Variants in CCDC66 observed in about 807,000 individuals in gnomAD.
CCDC66 encodes the protein coiled-coil domain-containing protein 66.
Under a neutral mutation model 128.3 loss-of-function variants are expected in CCDC66, and 133 were observed. That is an observed-to-expected ratio of 1.04 (90% CI 0.90 to 1.20). The LOEUF is 1.20. CCDC66 is among the 50% of genes most tolerant of loss of function. CCDC66 has a pLI of 0.00. For synonymous variants in CCDC66, 387 were observed against 357.0 expected (o/e 1.08, Z -0.95); for missense variants, 1,126 against 1,075.5 (o/e 1.05, Z -0.66).
intron 7 of CCDC66, among the ~76,000 whole-genome samples, chr3:56,590,797 T>G (rs2070749140): frequency 1.3e-5 from 2 of 151,944 alleles, no homozygotes. Flanking sequence ...CAAACACGTT[T>G]AGGAAACCAG....
intron 10 of CCDC66, among the ~76,000 whole-genome samples, chr3:56,603,337 T>A (rs567633901): frequency 3.9e-5 from 6 of 151,974 alleles, no homozygotes; most frequent in Non-Finnish European, 7.3e-5. Flanking sequence ...GCTTTTGAAT[T>A]TGTTTGCTCT....
chr3:56,601,091 T>A (rs1313643898), intron 10 of CCDC66, among the ~76,000 whole-genome samples: 1 of 152,108 alleles, frequency 6.6e-6, no homozygotes, highest in Non-Finnish European at 1.5e-5. Flanking sequence ...ACTTCTAGGG[T>A]TTTTATGGTT....
At chr3:56,610,433 T>G (rs1241061346) in intron 10 of CCDC66, among the ~76,000 whole-genome samples, 1 of 152,208 alleles carries the variant, frequency 6.6e-6, no homozygotes, top group Non-Finnish European at 1.5e-5. Flanking sequence ...GGTTTTTTCT[T>G]TAAGCTATCT....
Position 56,571,182 on chromosome 3 carries a change from T to G in CCDC66, c.816T>G (p.Asp272Glu), listed in dbSNP as rs1265715672. Residue 272 changes from aspartate (D) to glutamate (E), a missense_variant and splice_region_variant, in exon 7 of 18, where the codon GAT becomes GAG. Asp to Glu is a conservative substitution (Grantham distance 45). Coordinates refer to ENST00000394672, the MANE Select transcript of CCDC66 (RefSeq NM_001141947.3). ...AKKAQWRKEL[D>E]EQVALKKKEK... ...TTTTAAAAAGGACATTATTTACAGA[T>G]GAACAGGTTGCTTTAAAGAAGAAAG... The G allele has an allele frequency of 6.6e-7, 1 of 1,512,442 alleles. No individual in the cohort carries two copies. 93.7% of individuals were successfully genotyped at this position (1,512,442 alleles called of 1,614,324 possible). A position where few individuals can be genotyped will look rare whatever the true frequency, so the allele number is the denominator to read the frequency against.
At chr3:56,585,698 A>T (rs114005252) in intron 7 of CCDC66, among the ~76,000 whole-genome samples, 1 of 151,898 alleles carries the variant, frequency 6.6e-6, no homozygotes. Flanking sequence ...TAGTATAGCA[A>T]TATTTATAAG....
At chr3:56,613,936 C>T (rs764837287) in intron 11 of CCDC66, among the ~76,000 whole-genome samples, 186 bp downstream of exon 11, 1 of 152,124 alleles carries the variant, frequency 6.6e-6, no homozygotes, top group Non-Finnish European at 1.5e-5. Flanking sequence ...CGTACCAACA[C>T]ATCTGGCTAA....
intron 7 of CCDC66, among the ~76,000 whole-genome samples, chr3:56,578,949 C>CT (rs1278102655): frequency 6.6e-6 from 1 of 151,842 alleles, no homozygotes; most frequent in Non-Finnish European, 1.5e-5. Flanking sequence ...AGGATTCCCT[C>CT]TTTTTCTATT....
chr3:56,580,634 G>T (rs2106655375), intron 7 of CCDC66, among the ~76,000 whole-genome samples: 1 of 151,880 alleles, frequency 6.6e-6, no homozygotes, highest in Middle Eastern at 3.4e-3. Flanking sequence ...GCATTTGTTT[G>T]TTTGTAAAGG....
chr3:56,571,374 A>AT (rs2066584851), intron 7 of CCDC66, 72 bp downstream of exon 7: 3 of 955,866 alleles, frequency 3.1e-6, no homozygotes, highest in Admixed American at 1.0e-4. Context: ...TTTAAAGCTT[A>AT]TTAAAAAAAA....
In CCDC66 at chr3:56,603,479, C is replaced by T. The variant is rs558854322; in HGVS notation, c.1404+9451C>T. The stretch of plus-strand genomic sequence containing the variant: ...TAAATGTGTCCCATAGATTTTGGTA[C>T]GTTGTCTCTTTGTTCTCATTGGTTT... On this transcript the variant is annotated intron_variant, in intron 10 of 17. Coordinates refer to ENST00000394672, the MANE Select transcript of CCDC66 (RefSeq NM_001141947.3). Among the ~76,000 whole-genome samples, 13 of 152,044 alleles carry T rather than the reference C, an allele frequency of 8.6e-5. 1 individual carries two copies. The highest frequency in any genetic ancestry group is 2.7e-4 in the African/African-American group (11 of 41,408).
intron 10 of CCDC66, among the ~76,000 whole-genome samples, chr3:56,595,847 A>G (rs560677507): frequency 1.3e-5 from 2 of 152,282 alleles, no homozygotes; most frequent in South Asian, 2.1e-4. Flanking sequence ...CCCACTAACA[A>G]TGTATAAGGA....
intron 10 of CCDC66, among the ~76,000 whole-genome samples, chr3:56,611,844 A>T (rs1264555513): frequency 3.9e-5 from 6 of 151,948 alleles, no homozygotes; most frequent in Admixed American, 3.9e-4. Flanking sequence ...TCCCGCAAAG[A>T]CTTTCAGCTT....
At position 56,566,721 on chromosome 3, in the gene CCDC66, T is replaced by A; in HGVS notation, c.672T>A (p.His224Gln). The A allele has an allele frequency of 6.2e-7, 1 of 1,613,756 alleles. No individual in the cohort carries two copies. The highest frequency in any genetic ancestry group is 1.7e-4 in the Middle Eastern group (1 of 6,056). Residue 224 changes from histidine to glutamine, a missense_variant, in exon 5 of 18, where the codon CAT becomes CAA. Coordinates refer to ENST00000394672, the MANE Select transcript of CCDC66 (RefSeq NM_001141947.3). Reference sequence around the variant, plus strand: ...AAAATAAATCTGTCTTAAATGAACATCAGGAGACATCTAAACAGTGTGAGC... The same window carrying A: ...AAAATAAATCTGTCTTAAATGAACAACAGGAGACATCTAAACAGTGTGAGC... Reference protein sequence around the residue: ...PAENKSVLNEHQETSKQCEQK... With the variant: ...PAENKSVLNEQQETSKQCEQK...
Position 56,619,828 on chromosome 3 carries a change from T to C in CCDC66, c.2687T>C (p.Leu896Pro). The change falls in exon 17 of 18, where the codon CTT (leucine) becomes CCT (proline). Residue 896 changes from leucine (L) to proline (P), a missense_variant. Coordinates refer to ENST00000394672, the MANE Select transcript of CCDC66 (RefSeq NM_001141947.3). Reference sequence around the variant, plus strand: ...GATTCTGACTGTGTCAGGGATCCACTTCTTAATCCTAACATGGTGAAAAAT... The same window carrying C: ...GATTCTGACTGTGTCAGGGATCCACCTCTTAATCCTAACATGGTGAAAAAT... ...LFDSDCVRDP[L>P]LNPNMVKNRD... 2.5e-6 allele frequency: 4 copies of C among 1,614,138 alleles called. No homozygotes were observed. The highest frequency in any genetic ancestry group is 3.4e-6 in the Non-Finnish European group (4 of 1,179,988).
intron 13 of CCDC66, chr3:56,616,811 A>G (rs530067612): frequency 1.9e-4 from 51 of 264,294 alleles, no homozygotes; most frequent in Admixed American, 9.0e-4. Flanking sequence ...AGCCCTTGTT[A>G]TTCTACTGGT....
rs967782963 is a variant in CCDC66 at position 56,568,371 on chromosome 3, C to T, written c.814+1318C>T. On this transcript the variant is annotated intron_variant, in intron 6 of 17. Coordinates refer to ENST00000394672, the MANE Select transcript of CCDC66 (RefSeq NM_001141947.3). The stretch of plus-strand genomic sequence containing the variant: ...CAGGGTGCCAAAATGCACAGATGCT[C>T]ATGTGGAATCCATGGATATGGAGGG... Among the ~76,000 whole-genome samples, 11 of 152,308 alleles carry T rather than the reference C, an allele frequency of 7.2e-5. 1 individual carries two copies. The highest frequency in any genetic ancestry group is 1.3e-4 in the Admixed American group (2 of 15,300).
chr3:56,584,613 C>T (rs1275356970), intron 7 of CCDC66, among the ~76,000 whole-genome samples: 5 of 151,138 alleles, frequency 3.3e-5, no homozygotes, highest in African/African-American at 4.9e-5. Flanking sequence ...CCAGACTGGG[C>T]GGCCGGGCAG....
intron 4 of CCDC66, among the ~76,000 whole-genome samples, chr3:56,565,852 G>C (rs1188447946): frequency 1.3e-5 from 2 of 151,826 alleles, no homozygotes; most frequent in Admixed American, 1.3e-4. Flanking sequence ...ATTTTTAGTA[G>C]AGACGGGGTT....
intron 4 of CCDC66, chr3:56,565,214 A>G: frequency 3.5e-6 from 1 of 289,148 alleles, no homozygotes; most frequent in Admixed American, 4.1e-5. Context: ...GGTAATGAGT[A>G]TTTATCAAGA....
Sources: allele counts gnomAD v4.1 joint callset (sites outside exome capture counted in the v4.1 genomes callset), GRCh38; gene constraint gnomAD v4.1.1; transcripts MANE v1.5; gene names NCBI Gene and HGNC (gene_info 2026-07-23, HGNC 2026-07-21).